EPHA3: variants seen among roughly 807,000 people sequenced by gnomAD.
The protein encoded by EPHA3 is ephrin type-A receptor 3.
In EPHA3, 42 loss-of-function variants were observed where a neutral mutation model predicts 107.1. The observed-to-expected ratio is 0.39, with a 90% confidence interval of 0.31 to 0.51. The LOEUF (loss-of-function observed/expected upper bound fraction) is 0.51. Ranked by LOEUF, EPHA3 falls within the 20% of genes least tolerant of loss-of-function variation. EPHA3 has a pLI of 0.78. For synonymous variants in EPHA3, 461 were observed against 424.8 expected (o/e 1.09, Z -1.05); for missense variants, 1,183 against 1,211.2 (o/e 0.98, Z 0.35).
At chr3:89,212,618 C>A (rs1202405844) in intron 3 of EPHA3, among the ~76,000 whole-genome samples, 2 of 150,414 alleles carry the variant, frequency 1.3e-5, no homozygotes, top group Admixed American at 1.3e-4. Flanking sequence ...TCTTTTTAAT[C>A]CAGCCTAATG....
chr3:89,439,361 C>T (rs568048287), intron 13 of EPHA3, among the ~76,000 whole-genome samples: 8 of 151,976 alleles, frequency 5.3e-5, no homozygotes, highest in African/African-American at 9.7e-5. Flanking sequence ...AGGAGGCTGA[C>T]GTGGGAGGGT....
intron 3 of EPHA3, among the ~76,000 whole-genome samples, chr3:89,293,142 T>A (rs1706256496): frequency 1.3e-5 from 2 of 152,214 alleles, no homozygotes; most frequent in East Asian, 3.9e-4. Context: ...ATGCATATTT[T>A]CTTTGGTGAA....
At chr3:89,177,523 G>A (rs572658416) in intron 2 of EPHA3, among the ~76,000 whole-genome samples, 21 of 152,228 alleles carry the variant, frequency 1.4e-4, no homozygotes, top group South Asian at 6.2e-4. Flanking sequence ...GACAGCACAC[G>A]GCAGATGTGA....
At chr3:89,418,936 T>C (rs1324052642) in intron 10 of EPHA3, among the ~76,000 whole-genome samples, 1 of 151,406 alleles carries the variant, frequency 6.6e-6, no homozygotes, top group East Asian at 1.9e-4. Flanking sequence ...TATCTCTCCT[T>C]TTACATTACA....
intron 3 of EPHA3, among the ~76,000 whole-genome samples, chr3:89,230,981 T>A (rs544758169): frequency 2.8e-4 from 43 of 152,104 alleles, no homozygotes; most frequent in Admixed American, 4.6e-4. Flanking sequence ...ATCTGTAATA[T>A]TTTTTAATAA....
At chr3:89,401,114 T>C (rs561446734) in intron 7 of EPHA3, among the ~76,000 whole-genome samples, 11 of 152,316 alleles carry the variant, frequency 7.2e-5, no homozygotes, top group African/African-American at 2.4e-4. Context: ...AGGATTGACC[T>C]AAAAATATAA....
chr3:89,397,355 G>A (rs564015614), intron 6 of EPHA3, among the ~76,000 whole-genome samples: 104 of 151,978 alleles, frequency 6.8e-4, no homozygotes, highest in Non-Finnish European at 1.2e-3. Context: ...AGATAGAATG[G>A]GCAAATATAA....
At position 89,119,963 on chromosome 3, in the gene EPHA3, A is replaced by T. The variant is rs960177482; in HGVS notation, c.89-7246A>T. On this transcript the variant is annotated intron_variant, in intron 1 of 16. Coordinates refer to ENST00000336596, the MANE Select transcript of EPHA3 (RefSeq NM_005233.6). Reference sequence around the variant, plus strand: ...TTCTGTAGGCCAGTTTTCTTCTTGTATTCTATTTTCCCAGCCAACAGTCAA... The same window carrying T: ...TTCTGTAGGCCAGTTTTCTTCTTGTTTTCTATTTTCCCAGCCAACAGTCAA... Among the ~76,000 whole-genome samples, 3 of 152,190 alleles carry T rather than the reference A, an allele frequency of 2.0e-5. No homozygotes were observed. In the South Asian group the frequency reaches 6.2e-4, roughly 32 times the overall value.
chr3:89,302,309 G>C (rs1428035781), intron 3 of EPHA3, among the ~76,000 whole-genome samples: 1 of 152,102 alleles, frequency 6.6e-6, no homozygotes, highest in Non-Finnish European at 1.5e-5. Context: ...CCTACTTACA[G>C]TTCCTTTCCC....
chr3:89,258,036 G>T (rs953250627), intron 3 of EPHA3, among the ~76,000 whole-genome samples: 4 of 152,158 alleles, frequency 2.6e-5, no homozygotes, highest in Non-Finnish European at 5.9e-5. Context: ...AACAAATTTA[G>T]CAGGACTCAT....
At chr3:89,347,840 G>A (rs1472176834) in intron 5 of EPHA3, among the ~76,000 whole-genome samples, 1 of 150,968 alleles carries the variant, frequency 6.6e-6, no homozygotes, top group Non-Finnish European at 1.5e-5. Flanking sequence ...GTTGAATTTT[G>A]TCAAAGGCTT....
intron 7 of EPHA3, chr3:89,400,062 G>T: frequency 9.7e-7 from 1 of 1,028,228 alleles, no homozygotes; most frequent in Non-Finnish European, 1.2e-6. Flanking sequence ...TTTTTCAAAT[G>T]AATTTTCTTC....
chr3:89,320,352 A>G (rs1332647350), intron 3 of EPHA3, among the ~76,000 whole-genome samples: 2 of 152,068 alleles, frequency 1.3e-5, no homozygotes, highest in African/African-American at 4.8e-5. Context: ...TAGTGTCCCA[A>G]AGGTGTTTAA....
chr3:89,181,579 C>A (rs1484157810), intron 2 of EPHA3, among the ~76,000 whole-genome samples: 1 of 151,792 alleles, frequency 6.6e-6, no homozygotes, highest in African/African-American at 2.4e-5. Context: ...CTTAATACTG[C>A]GGTGTTTTAA....
chr3:89,226,842 T>TGGGA (rs1241102120), intron 3 of EPHA3, among the ~76,000 whole-genome samples: 2 of 152,104 alleles, frequency 1.3e-5, no homozygotes, highest in African/African-American at 4.8e-5. Flanking sequence ...GTCATGACGT[T>TGGGA]TGAAGCTTAG....
intron 2 of EPHA3, among the ~76,000 whole-genome samples, chr3:89,132,877 C>T (rs1704234919): frequency 6.6e-6 from 1 of 152,124 alleles, no homozygotes; most frequent in Non-Finnish European, 1.5e-5. Flanking sequence ...ATGACGGAGC[C>T]AGACTCTGTC....
At chr3:89,235,327 T>A (rs1704733370) in intron 3 of EPHA3, among the ~76,000 whole-genome samples, 1 of 152,176 alleles carries the variant, frequency 6.6e-6, no homozygotes, top group South Asian at 2.1e-4. Flanking sequence ...TGTTTCGACA[T>A]TCAAATAGAT....
chr3:89,115,355 A>G (rs748867667), intron 1 of EPHA3, among the ~76,000 whole-genome samples: 56 of 152,102 alleles, frequency 3.7e-4, no homozygotes, highest in Non-Finnish European at 7.6e-4. Context: ...GTGCATATTC[A>G]AAAGTTGTCT....
At chr3:89,183,678 CATG>C in intron 2 of EPHA3, among the ~76,000 whole-genome samples, 1 of 152,018 alleles carries the variant, frequency 6.6e-6, no homozygotes, top group East Asian at 1.9e-4. Context: ...TTTCTATTAA[CATG>C]ATGATTTTTT....
Sources: allele counts gnomAD v4.1 joint callset (sites outside exome capture counted in the v4.1 genomes callset), GRCh38; gene constraint gnomAD v4.1.1; transcripts MANE v1.5; gene names NCBI Gene and HGNC (gene_info 2026-07-23, HGNC 2026-07-21).